LIN52: variants seen among roughly 807,000 people sequenced by gnomAD.
LIN52 encodes the protein lin-52 DREAM MuvB core complex component.
In LIN52, 4 loss-of-function variants were observed where a neutral mutation model predicts 18.5. That is an observed-to-expected ratio of 0.22 (90% CI 0.11 to 0.49). LIN52 has a LOEUF of 0.49. Ranked by LOEUF, LIN52 falls within the 20% of genes least tolerant of loss-of-function variation. LIN52 has a pLI of 0.97. For missense variants in LIN52, 102 were observed against 139.5 expected (o/e 0.73, Z 1.35); for synonymous variants, 34 against 45.5 (o/e 0.75, Z 1.02).
At chr14:74,118,739 A>G (rs1457873943) in intron 5 of LIN52, among the ~76,000 whole-genome samples, 3 of 152,102 alleles carry the variant, frequency 2.0e-5, no homozygotes, top group Non-Finnish European at 4.4e-5. Flanking sequence ...ACACCATTGT[A>G]CTCCAGCCTG....
intron 5 of LIN52, among the ~76,000 whole-genome samples, chr14:74,188,202 C>A (rs1723148772): frequency 6.6e-6 from 1 of 151,894 alleles, no homozygotes; most frequent in African/African-American, 2.4e-5. Context: ...CAAGGCCACC[C>A]CTAACAATAT....
At chr14:74,166,156 G>A (rs947810430) in intron 5 of LIN52, among the ~76,000 whole-genome samples, 2 of 151,644 alleles carry the variant, frequency 1.3e-5, no homozygotes, top group African/African-American at 4.9e-5. Context: ...CTCCCAAAGT[G>A]CTGGGATTAC....
intron 5 of LIN52, among the ~76,000 whole-genome samples, chr14:74,111,277 A>G (rs1049665243): frequency 1.3e-5 from 2 of 152,098 alleles, no homozygotes; most frequent in African/African-American, 4.8e-5. Flanking sequence ...AAGGGAGAGT[A>G]TAACTGTGAT....
chr14:74,136,789 A>G (rs928407342), intron 5 of LIN52, among the ~76,000 whole-genome samples: 1 of 152,300 alleles, frequency 6.6e-6, no homozygotes, highest in East Asian at 1.9e-4. Flanking sequence ...CCAGGTTGAA[A>G]GAGGACCAGC....
intron 5 of LIN52, among the ~76,000 whole-genome samples, chr14:74,176,233 G>A (rs1248364766): frequency 6.6e-6 from 1 of 152,004 alleles, no homozygotes; most frequent in East Asian, 1.9e-4. Flanking sequence ...CGCAATCTCG[G>A]CTCACTGAAA....
chr14:74,131,428 C>T (rs2061066599), intron 5 of LIN52, among the ~76,000 whole-genome samples: 1 of 151,864 alleles, frequency 6.6e-6, no homozygotes, highest in Non-Finnish European at 1.5e-5. Context: ...AAGCGATTCT[C>T]CTGCCTCAGC....
intron 5 of LIN52, among the ~76,000 whole-genome samples, chr14:74,134,776 C>T (rs2061088459): frequency 6.6e-6 from 1 of 152,194 alleles, no homozygotes; most frequent in Middle Eastern, 3.2e-3. Context: ...GGCTCTTTCT[C>T]ATCTGCTTAA....
At chr14:74,140,989 T>C (rs777457403) in intron 5 of LIN52, among the ~76,000 whole-genome samples, 1 of 152,190 alleles carries the variant, frequency 6.6e-6, no homozygotes, top group Non-Finnish European at 1.5e-5. Flanking sequence ...AACATTACAA[T>C]GATGTTAACT....
chr14:74,123,388 T>G (rs2061010427), intron 5 of LIN52, among the ~76,000 whole-genome samples: 2 of 152,152 alleles, frequency 1.3e-5, no homozygotes, highest in African/African-American at 4.8e-5. Flanking sequence ...GCAGTAAGAA[T>G]GAGGAACCAA....
In LIN52 at chr14:74,184,363, G is replaced by A. The variant is rs116312028; in HGVS notation, c.284-14559G>A. ...ATTACAGGCGTGAGCCACCACACCC[G>A]GCCCCCACATTTTAAGTTTGGATAA... On this transcript the variant is annotated intron_variant, in intron 5 of 5. Transcript: ENST00000555028. Among the ~76,000 whole-genome samples, 997 of 152,312 alleles carry A rather than the reference G, an allele frequency of 6.5e-3. 15 individuals are homozygous for A. Among genetic ancestry groups the A allele is most frequent in the African/African-American group, 0.022 (922 of 41,560 alleles).
intron 5 of LIN52, among the ~76,000 whole-genome samples, chr14:74,127,288 AT>A (rs2061034558): frequency 6.6e-6 from 1 of 152,222 alleles, no homozygotes; most frequent in Admixed American, 6.5e-5. Context: ...GAGGGCAGGG[AT>A]GGGTCTCCTG....
chr14:74,171,046 G>GTAC (rs1252833008), intron 5 of LIN52, among the ~76,000 whole-genome samples: 1 of 151,010 alleles, frequency 6.6e-6, no homozygotes, highest in Non-Finnish European at 1.5e-5. Flanking sequence ...TTAGCTTGGT[G>GTAC]TACTCTATAT....
At chr14:74,103,482 G>T (rs1400307076) in intron 5 of LIN52, among the ~76,000 whole-genome samples, 1 of 146,324 alleles carries the variant, frequency 6.8e-6, no homozygotes, top group African/African-American at 2.6e-5. Context: ...GCCCAGGCTG[G>T]AGTGCAATGA....
intron 2 of LIN52, among the ~76,000 whole-genome samples, chr14:74,092,085 C>T (rs2060775647): frequency 6.6e-6 from 1 of 151,794 alleles, no homozygotes; most frequent in South Asian, 2.1e-4. Context: ...ATTGTCCTGC[C>T]TCAGCCTCCC....
At position 74,198,855 on chromosome 14, in the gene LIN52, A is replaced by G; in HGVS notation, c.284-67A>G. The G allele has an allele frequency of 2.6e-6, 3 of 1,169,672 alleles. No homozygotes were observed. In the Admixed American group the frequency reaches 5.2e-5, roughly 20 times the overall value. 72.5% of individuals were successfully genotyped at this position (1,169,672 alleles called of 1,614,324 possible). A position where few individuals can be genotyped will look rare whatever the true frequency, so the allele number is the denominator to read the frequency against. ...AAATCAATCTGCATTTTTAAATTAAATCTTCCTATGATTCTTTTTTCCGAT... is the reference window on the plus strand; with the variant it reads ...AAATCAATCTGCATTTTTAAATTAAGTCTTCCTATGATTCTTTTTTCCGAT... On this transcript the variant is annotated intron_variant, in intron 5 of 5. Coordinates refer to ENST00000555028, the MANE Select transcript of LIN52 (RefSeq NM_001024674.3).
At chr14:74,138,721 C>G (rs566062441) in intron 5 of LIN52, among the ~76,000 whole-genome samples, 8 of 151,076 alleles carry the variant, frequency 5.3e-5, no homozygotes, top group Non-Finnish European at 1.2e-4. Context: ...CTCACCCCAC[C>G]CCCTATCCTC....
chr14:74,136,471 T>A (rs1188823990), intron 5 of LIN52, among the ~76,000 whole-genome samples: 1 of 152,184 alleles, frequency 6.6e-6, no homozygotes. Flanking sequence ...GGGGAAAGTA[T>A]GTATTCTAGC....
At chr14:74,165,532 A>G (rs1337622095) in intron 5 of LIN52, among the ~76,000 whole-genome samples, 1 of 44,344 alleles carries the variant, frequency 2.3e-5, no homozygotes, top group African/African-American at 1.4e-4. Context: ...TTTTTTTGAG[A>G]CAGAGTCTCA....
intron 5 of LIN52, among the ~76,000 whole-genome samples, chr14:74,121,537 G>A (rs1409901468): frequency 6.6e-6 from 1 of 152,160 alleles, no homozygotes; most frequent in African/African-American, 2.4e-5. Flanking sequence ...GCCGAAGTTA[G>A]TTAGCAAATA....
Sources: gnomAD v4.1 joint callset for allele counts (sites outside exome capture counted in the v4.1 genomes callset) on GRCh38, gnomAD v4.1.1 for gene constraint, MANE v1.5 for transcripts, NCBI Gene and HGNC (gene_info 2026-07-23, HGNC 2026-07-21) for gene names.